The following MYO5C variants were observed in gnomAD, a reference collection of about 807,000 sequenced individuals.
The protein encoded by MYO5C is unconventional myosin-Vc.
In MYO5C, 194 loss-of-function variants were observed where a neutral mutation model predicts 235.7. That is an observed-to-expected ratio of 0.82 (90% CI 0.73 to 0.93). The LOEUF is 0.93. Among genes scored for constraint, MYO5C ranks in the 40% least tolerant of loss-of-function variants. MYO5C has a pLI of 0.00. For missense variants in MYO5C, 2,038 were observed against 2,127.2 expected (o/e 0.96, Z 0.82); for synonymous variants, 707 against 754.8 (o/e 0.94, Z 1.04).
At chr15:52,209,739 A>AGC (rs2035402525) in intron 35 of MYO5C, among the ~76,000 whole-genome samples, 1 of 152,194 alleles carries the variant, frequency 6.6e-6, no homozygotes, top group Non-Finnish European at 1.5e-5. Flanking sequence ...ATGGACAGGG[A>AGC]AAACATCAAT....
intron 33 of MYO5C, among the ~76,000 whole-genome samples, chr15:52,214,215 C>T (rs1191345779): frequency 2.0e-5 from 3 of 152,194 alleles, no homozygotes; most frequent in Non-Finnish European, 4.4e-5. Flanking sequence ...ATGTCTGCTT[C>T]TTAGCTCTCT....
At chr15:52,198,783 T>C (rs966698544) in intron 38 of MYO5C, among the ~76,000 whole-genome samples, 1 of 152,092 alleles carries the variant, frequency 6.6e-6, no homozygotes, top group African/African-American at 2.4e-5. Context: ...GGTTTCACCA[T>C]ATTGGCCAGG....
Position 52,237,615 on chromosome 15 carries a change from AG to A in MYO5C, c.2734del (p.Leu912Ter). ...NKENHGLVEK[L>X]TSLAALRAGD... is the part of the protein sequence containing the mutation. ...AGCTCGAAGAGCAGCCAGGCTAGTC[AG>A]CTTCTCCACCAGCCCATGGTTTTCT... On this transcript the variant is annotated frameshift_variant, in exon 22 of 41. Coordinates refer to ENST00000261839, the MANE Select transcript of MYO5C (RefSeq NM_018728.4). LOFTEE classifies it high-confidence loss of function. 1 of 1,613,892 alleles carries A rather than the reference AG, an allele frequency of 6.2e-7. No individual in the cohort carries two copies. Among genetic ancestry groups the A allele is most frequent in the Non-Finnish European group, 8.5e-7 (1 of 1,180,026 alleles).
At chr15:52,256,113 T>A (rs1045598450) in intron 11 of MYO5C, among the ~76,000 whole-genome samples, 2 of 152,168 alleles carry the variant, frequency 1.3e-5, no homozygotes, top group South Asian at 4.1e-4. Context: ...CCAAGTCTAT[T>A]TGGAAACTTG....
At chr15:52,282,932 CA>C in intron 1 of MYO5C, 40 bp from the exon 2 acceptor site, 1 of 1,313,760 alleles carries the variant, frequency 7.6e-7, no homozygotes, top group Non-Finnish European at 1.1e-6. Flanking sequence ...TCAGGACTTC[CA>C]AAATTATGGA....
At chr15:52,255,642 G>C (rs2036563918) in intron 11 of MYO5C, among the ~76,000 whole-genome samples, 1 of 152,216 alleles carries the variant, frequency 6.6e-6, no homozygotes. Context: ...AAAGGCGTCA[G>C]TACTGTTGGG....
At chr15:52,232,224 A>G (rs1378780689) in intron 24 of MYO5C, among the ~76,000 whole-genome samples, 10 of 42,464 alleles carry the variant, frequency 2.4e-4, no homozygotes, top group Admixed American at 4.9e-4. Context: ...AAGAAAATGA[A>G]AGAAAGAAGA....
At chr15:52,258,017 G>GAA in intron 10 of MYO5C, among the ~76,000 whole-genome samples, 1 of 152,234 alleles carries the variant, frequency 6.6e-6, no homozygotes, top group East Asian at 1.9e-4. Context: ...GCTCATGGAA[G>GAA]CAAGGCCAGG....
intron 10 of MYO5C, among the ~76,000 whole-genome samples, chr15:52,257,492 G>A (rs898788323): frequency 6.6e-6 from 1 of 152,196 alleles, no homozygotes. Context: ...TCAGAAAACT[G>A]GGACTTTTAA....
At chr15:52,199,591 A>G (rs1188538746) in intron 38 of MYO5C, among the ~76,000 whole-genome samples, 1 of 138,670 alleles carries the variant, frequency 7.2e-6, no homozygotes, top group African/African-American at 2.6e-5. Flanking sequence ...ATCAATGCCA[A>G]CAAAGAGCTC....
At chr15:52,290,509 A>C (rs1030760378) in intron 1 of MYO5C, among the ~76,000 whole-genome samples, 1 of 151,954 alleles carries the variant, frequency 6.6e-6, no homozygotes, top group Non-Finnish European at 1.5e-5. Flanking sequence ...AACTTTGAAG[A>C]TATTTGTGAG....
chr15:52,252,501 C>A (rs539341910), intron 12 of MYO5C, among the ~76,000 whole-genome samples: 1 of 151,562 alleles, frequency 6.6e-6, no homozygotes, highest in Admixed American at 6.6e-5. Flanking sequence ...ATTGGCCGGG[C>A]GCAGTGGCTC....
intron 11 of MYO5C, among the ~76,000 whole-genome samples, chr15:52,256,259 A>G (rs1310606198): frequency 6.6e-6 from 1 of 152,120 alleles, no homozygotes; most frequent in East Asian, 1.9e-4. Context: ...GTGAAGATAA[A>G]GCAATGGGGA....
intron 38 of MYO5C, among the ~76,000 whole-genome samples, chr15:52,202,983 C>T (rs1196063849): frequency 3.3e-5 from 5 of 150,616 alleles, no homozygotes; most frequent in Admixed American, 6.6e-5. Context: ...TGCTGAGGCG[C>T]GATCTTGGCT....
intron 7 of MYO5C, among the ~76,000 whole-genome samples, chr15:52,270,805 T>C (rs1484893393): frequency 2.0e-5 from 3 of 152,094 alleles, no homozygotes; most frequent in Admixed American, 6.5e-5. Context: ...GCCAAGGATA[T>C]TACCTTCATG....
At chr15:52,213,538 G>A in intron 33 of MYO5C, 1 of 360,032 alleles carries the variant, frequency 2.8e-6, no homozygotes, top group African/African-American at 2.0e-5. Flanking sequence ...ATGAGTGCCT[G>A]ATATGTATCC....
At chr15:52,206,793 T>G (rs2035325794) in intron 36 of MYO5C, among the ~76,000 whole-genome samples, 1 of 152,184 alleles carries the variant, frequency 6.6e-6, no homozygotes, top group South Asian at 2.1e-4. Flanking sequence ...TAATGGAATA[T>G]GTTTAACATG....
intron 11 of MYO5C, among the ~76,000 whole-genome samples, chr15:52,254,430 G>C (rs565626413): frequency 6.6e-6 from 1 of 152,176 alleles, no homozygotes; most frequent in Non-Finnish European, 1.5e-5. Context: ...AAGTCACGTG[G>C]AGGGTAAGCG....
chr15:52,197,186 A>T (rs943825699), intron 38 of MYO5C, among the ~76,000 whole-genome samples: 3 of 152,238 alleles, frequency 2.0e-5, no homozygotes, highest in Non-Finnish European at 4.4e-5. Context: ...TCTGTACACA[A>T]ATGTTCACAG....
Sources: allele counts gnomAD v4.1 joint callset (sites outside exome capture counted in the v4.1 genomes callset), GRCh38; gene constraint gnomAD v4.1.1; transcripts MANE v1.5; gene names NCBI Gene and HGNC (gene_info 2026-07-23, HGNC 2026-07-21).